The following ANKRD13C variants were observed in gnomAD, a reference collection of about 807,000 sequenced individuals.
ANKRD13C encodes ankyrin repeat domain-containing protein 13C.
In ANKRD13C, 16 loss-of-function variants were observed where a neutral mutation model predicts 65.5. The observed-to-expected ratio is 0.24, with a 90% confidence interval of 0.17 to 0.37. The LOEUF (loss-of-function observed/expected upper bound fraction) is 0.37, where lower values mean the gene tolerates loss of function less well. Among genes scored for constraint, ANKRD13C ranks in the 10% least tolerant of loss-of-function variants. ANKRD13C has a pLI of 1.00. For synonymous variants in ANKRD13C, 235 were observed against 238.7 expected (o/e 0.98, Z 0.14); for missense variants, 503 against 655.9 (o/e 0.77, Z 2.55).
chr1:70,316,298 C>A (rs1273953820), intron 3 of ANKRD13C, among the ~76,000 whole-genome samples: 2 of 152,156 alleles, frequency 1.3e-5, no homozygotes, highest in Non-Finnish European at 2.9e-5. Context: ...AGTTCAAACC[C>A]CAGCTTTACC....
intron 2 of ANKRD13C, among the ~76,000 whole-genome samples, chr1:70,328,303 T>G (rs936895028): frequency 6.6e-6 from 1 of 152,084 alleles, no homozygotes. Flanking sequence ...ATGTTCACGG[T>G]GTACTGCTAA....
chr1:70,302,317 C>CG (rs1240355745), intron 6 of ANKRD13C, among the ~76,000 whole-genome samples: 80 of 125,952 alleles, frequency 6.4e-4, no homozygotes, highest in Non-Finnish European at 1.2e-3. Context: ...GGCGGGGGGG[C>CG]GGGGGGCTGC....
At chr1:70,349,764 T>TA (rs1416012862) in intron 1 of ANKRD13C, among the ~76,000 whole-genome samples, 2 of 152,064 alleles carry the variant, frequency 1.3e-5, no homozygotes, top group Admixed American at 6.6e-5. Flanking sequence ...GCGTTGAGGT[T>TA]AAAAAAATAA....
intron 12 of ANKRD13C, among the ~76,000 whole-genome samples, chr1:70,270,651 G>A (rs1324938986): frequency 6.6e-6 from 1 of 152,164 alleles, no homozygotes. Flanking sequence ...TGCCACCACT[G>A]ATCTGACAGG....
At position 70,353,863 on chromosome 1, in the gene ANKRD13C, C is replaced by CGGAT. The variant is rs1054663923; in HGVS notation, c.430+112_430+115dup. 3.8e-5 allele frequency: 52 copies of CGGAT among 1,356,716 alleles called. No individual in the cohort carries two copies. The African/African-American group carries it at 7.2e-4, about 19-fold the overall frequency. 84.0% of individuals were successfully genotyped at this position (1,356,716 alleles called of 1,614,324 possible). A position where few individuals can be genotyped will look rare whatever the true frequency, so the allele number is the denominator to read the frequency against. Reference sequence around the variant, plus strand: ...GTCGATCATGATTTACCGAACGGCCCGGATGATGGGCAAAAAGAAGAGTCT... The same window carrying CGGAT: ...GTCGATCATGATTTACCGAACGGCCCGGATGGATGATGGGCAAAAAGAAGAGTCT... On this transcript the variant is annotated intron_variant, in intron 1 of 12. Transcript: ENST00000370944.
intron 1 of ANKRD13C, among the ~76,000 whole-genome samples, chr1:70,353,065 AT>A (rs1342591348): frequency 6.6e-6 from 1 of 152,200 alleles, no homozygotes; most frequent in African/African-American, 2.4e-5. Context: ...AATGTATACA[AT>A]TTTCATATTA....
intron 7 of ANKRD13C, among the ~76,000 whole-genome samples, chr1:70,299,509 C>A (rs1680234271): frequency 2.0e-5 from 3 of 152,020 alleles, no homozygotes; most frequent in Admixed American, 2.0e-4. Context: ...TTCCAATGGT[C>A]CAGTTGAGAA....
intron 1 of ANKRD13C, among the ~76,000 whole-genome samples, chr1:70,353,529 A>C (rs1354255303): frequency 6.6e-6 from 1 of 152,206 alleles, no homozygotes; most frequent in African/African-American, 2.4e-5. Flanking sequence ...GCAAAATCAC[A>C]ACCAGTTGCA....
At chr1:70,264,710 T>G (rs145397186) in intron 12 of ANKRD13C, among the ~76,000 whole-genome samples, 2 of 152,006 alleles carry the variant, frequency 1.3e-5, no homozygotes, top group African/African-American at 2.4e-5. Flanking sequence ...CATCACTAAA[T>G]AAGAAACAAA....
chr1:70,340,828 T>C (rs1001232587), intron 1 of ANKRD13C, among the ~76,000 whole-genome samples: 1 of 152,100 alleles, frequency 6.6e-6, no homozygotes, highest in African/African-American at 2.4e-5. Flanking sequence ...TAAAACCTAT[T>C]GGGGGCGGGC....
intron 12 of ANKRD13C, among the ~76,000 whole-genome samples, chr1:70,267,184 C>G (rs1394424865): frequency 6.6e-6 from 1 of 152,148 alleles, no homozygotes; most frequent in Non-Finnish European, 1.5e-5. Flanking sequence ...ATGTCCCTCT[C>G]TGTCTCTAAT....
At position 70,276,658 on chromosome 1, in the gene ANKRD13C, C is replaced by A. The variant is rs1183938718; in HGVS notation, c.1295+107G>T. ...AAGAATTGCTTCAGTCAAAAATATACCAATAATTCTCTCCAAAATAATTTA... is the reference window on the plus strand; with the variant it reads ...AAGAATTGCTTCAGTCAAAAATATAACAATAATTCTCTCCAAAATAATTTA... On this transcript the variant is annotated intron_variant, in intron 10 of 12. Coordinates refer to ENST00000370944, the MANE Select transcript of ANKRD13C (RefSeq NM_030816.5). 6.6e-6 allele frequency: 6 copies of A among 911,164 alleles called. No homozygotes were observed. The Admixed American group carries it at 1.7e-4, about 26-fold the overall frequency. The allele number at this position is 911,164 out of a possible 1,614,324, so 56.4% of individuals were successfully genotyped here.
intron 1 of ANKRD13C, among the ~76,000 whole-genome samples, chr1:70,341,016 A>G (rs745415003): frequency 1.1e-4 from 17 of 152,296 alleles, no homozygotes; most frequent in Non-Finnish European, 1.0e-4. Context: ...AGGCTGAGGC[A>G]GGAGAATCAC....
intron 1 of ANKRD13C, among the ~76,000 whole-genome samples, chr1:70,352,214 C>T (rs568235821): frequency 1.9e-4 from 29 of 151,896 alleles, no homozygotes; most frequent in African/African-American, 6.5e-4. Flanking sequence ...GTGGTGGGCG[C>T]CTGTACTACC....
At chr1:70,287,275 C>A (rs1293643360) in intron 9 of ANKRD13C, among the ~76,000 whole-genome samples, 2 of 152,002 alleles carry the variant, frequency 1.3e-5, no homozygotes, top group African/African-American at 4.8e-5. Flanking sequence ...TCAAGTCTCA[C>A]CGAATTGATC....
chr1:70,350,226 C>G (rs1682690331), intron 1 of ANKRD13C, among the ~76,000 whole-genome samples: 1 of 152,234 alleles, frequency 6.6e-6, no homozygotes, highest in African/African-American at 2.4e-5. Flanking sequence ...TCCCTGTTGT[C>G]TTTGCTCACA....
chr1:70,311,390 A>G (rs1411561974), intron 5 of ANKRD13C, among the ~76,000 whole-genome samples: 1 of 152,120 alleles, frequency 6.6e-6, no homozygotes, highest in African/African-American at 2.4e-5. Context: ...TGTTAGGATC[A>G]CTTGAACCCA....
At chr1:70,352,593 AACTATGGCT>A (rs1453207045) in intron 1 of ANKRD13C, among the ~76,000 whole-genome samples, 1 of 152,138 alleles carries the variant, frequency 6.6e-6, no homozygotes, top group Non-Finnish European at 1.5e-5. Flanking sequence ...AAGGTAATGT[AACTATGGCT>A]ACTATGTAAA....
intron 2 of ANKRD13C, among the ~76,000 whole-genome samples, chr1:70,335,820 G>A (rs929748357): frequency 6.6e-6 from 1 of 150,678 alleles, no homozygotes; most frequent in Non-Finnish European, 1.5e-5. Flanking sequence ...ACCAAGTAAG[G>A]GGAAAAAAAA....
Sources: gnomAD v4.1 joint callset for allele counts (sites outside exome capture counted in the v4.1 genomes callset) on GRCh38, gnomAD v4.1.1 for gene constraint, MANE v1.5 for transcripts, NCBI Gene and HGNC (gene_info 2026-07-23, HGNC 2026-07-21) for gene names.